Variants in IMMP2L observed in about 807,000 individuals in gnomAD.
IMMP2L encodes inner mitochondrial membrane peptidase subunit 2.
IMMP2L carries 18 observed loss-of-function variants against 19.3 expected under a neutral mutation model. That is an observed-to-expected ratio of 0.93 (90% CI 0.64 to 1.38). The LOEUF (loss-of-function observed/expected upper bound fraction) is 1.38, where lower values mean the gene tolerates loss of function less well. IMMP2L is among the 40% of genes most tolerant of loss of function. IMMP2L has a pLI of 0.00. For synonymous variants in IMMP2L, 76 were observed against 73.0 expected (o/e 1.04, Z -0.21); for missense variants, 233 against 218.2 (o/e 1.07, Z -0.43).
intron 3 of IMMP2L, among the ~76,000 whole-genome samples, chr7:111,210,385 T>C (rs1562929775): frequency 6.6e-6 from 1 of 152,176 alleles, no homozygotes; most frequent in Non-Finnish European, 1.5e-5. Context: ...AACTTACAAT[T>C]GCAAAAACTA....
At chr7:111,156,518 A>G (rs570983974) in intron 3 of IMMP2L, among the ~76,000 whole-genome samples, 2 of 152,116 alleles carry the variant, frequency 1.3e-5, no homozygotes, top group Non-Finnish European at 2.9e-5. Context: ...CCTGTTGAAT[A>G]TTTAATTGGG....
chr7:110,787,510 C>T (rs545641546), intron 5 of IMMP2L, among the ~76,000 whole-genome samples: 6 of 152,026 alleles, frequency 3.9e-5, no homozygotes, highest in Non-Finnish European at 8.8e-5. Context: ...AATCTTGGTA[C>T]TAGAAAATAT....
chr7:111,230,691 T>C (rs1411944108), intron 3 of IMMP2L, among the ~76,000 whole-genome samples: 2 of 152,044 alleles, frequency 1.3e-5, no homozygotes, highest in African/African-American at 4.8e-5. Context: ...TGCCAAGCTA[T>C]GCAGATTTTA....
At chr7:110,833,606 T>C (rs185420762) in intron 5 of IMMP2L, among the ~76,000 whole-genome samples, 20 of 152,240 alleles carry the variant, frequency 1.3e-4, no homozygotes, top group African/African-American at 4.6e-4. Context: ...ATCTTTCAGC[T>C]TTTTCAGAAG....
intron 5 of IMMP2L, among the ~76,000 whole-genome samples, chr7:110,698,928 G>C (rs1794068509): frequency 6.6e-6 from 1 of 152,150 alleles, no homozygotes; most frequent in African/African-American, 2.4e-5. Flanking sequence ...TATTTTTTAA[G>C]TAAATGCTAA....
rs1298860738 is a variant in IMMP2L at position 111,162,813 on chromosome 7, A to G, written c.240-199248T>C. On this transcript the variant is annotated intron_variant, in intron 3 of 5. Transcript: ENST00000405709. ...ATAAAAACTGCAACCTCTTCCCACA[A>G]ATGATTTTGTCTAGACACCCCCGCC... Among the ~76,000 whole-genome samples the G allele has an allele frequency of 2.6e-5, 4 of 151,870 alleles. No individual in the cohort carries two copies. The South Asian group carries it at 6.2e-4, about 24-fold the overall frequency.
At chr7:111,039,050 A>G (rs1479323631) in intron 3 of IMMP2L, among the ~76,000 whole-genome samples, 8 of 152,188 alleles carry the variant, frequency 5.3e-5, no homozygotes, top group African/African-American at 1.9e-4. Flanking sequence ...CTTTTTGTAC[A>G]TAACTTCTAT....
chr7:110,965,377 T>G (rs1819424923), intron 3 of IMMP2L, among the ~76,000 whole-genome samples: 1 of 152,068 alleles, frequency 6.6e-6, no homozygotes, highest in African/African-American at 2.4e-5. Context: ...TCAATAAGAT[T>G]TATATTTCAC....
At chr7:111,238,693 A>C (rs1054510535) in intron 3 of IMMP2L, among the ~76,000 whole-genome samples, 2 of 152,012 alleles carry the variant, frequency 1.3e-5, no homozygotes, top group African/African-American at 4.8e-5. Flanking sequence ...CATAAGCTGA[A>C]GTGAAAGCTG....
intron 4 of IMMP2L, among the ~76,000 whole-genome samples, chr7:110,936,973 T>C (rs1816186309): frequency 1.3e-5 from 2 of 152,112 alleles, no homozygotes; most frequent in African/African-American, 4.8e-5. Flanking sequence ...GAAAACTGCA[T>C]GTTCTTACTC....
At position 110,986,186 on chromosome 7, in the gene IMMP2L, A is replaced by G. The variant is rs538025082; in HGVS notation, c.240-22621T>C. Among the ~76,000 whole-genome samples the G allele has an allele frequency of 5.9e-5, 9 of 152,140 alleles. No individual in the cohort carries two copies. The South Asian group carries it at 1.9e-3, about 32-fold the overall frequency. ...TGATTCCATCTATCTGCTCAGAATT[A>G]ATTTCATTTAAAATATGCTGAGCTT... is the stretch of plus-strand genomic sequence containing the variant. On this transcript the variant is annotated intron_variant, in intron 3 of 5. Coordinates refer to ENST00000405709, the MANE Select transcript of IMMP2L (RefSeq NM_032549.4).
intron 3 of IMMP2L, among the ~76,000 whole-genome samples, chr7:111,473,706 T>C (rs532503659): frequency 6.6e-6 from 1 of 152,300 alleles, no homozygotes; most frequent in East Asian, 1.9e-4. Flanking sequence ...TAGAGAATAT[T>C]TGCAATAAGC....
At chr7:110,889,136 C>T (rs1026592736) in intron 4 of IMMP2L, among the ~76,000 whole-genome samples, 1 of 152,092 alleles carries the variant, frequency 6.6e-6, no homozygotes, top group Non-Finnish European at 1.5e-5. Context: ...CTCAGCAGTC[C>T]CCAGCCTTTT....
chr7:111,132,375 T>A (rs1055515200), intron 3 of IMMP2L, among the ~76,000 whole-genome samples: 1 of 152,050 alleles, frequency 6.6e-6, no homozygotes, highest in Non-Finnish European at 1.5e-5. Context: ...ATGTTTAACC[T>A]GCTTGCCAAC....
At chr7:111,056,977 A>G (rs970022817) in intron 3 of IMMP2L, among the ~76,000 whole-genome samples, 1 of 152,182 alleles carries the variant, frequency 6.6e-6, no homozygotes, top group African/African-American at 2.4e-5. Flanking sequence ...CCCCAAATTT[A>G]CTTAAGAGTT....
intron 5 of IMMP2L, among the ~76,000 whole-genome samples, chr7:110,750,254 G>C (rs950771769): frequency 3.1e-5 from 4 of 129,824 alleles, no homozygotes; most frequent in Admixed American, 2.4e-4. Context: ...CCAGCTGTAA[G>C]AGTTTTTTTT....
intron 3 of IMMP2L, among the ~76,000 whole-genome samples, chr7:111,073,588 C>T (rs748877632): frequency 6.6e-6 from 1 of 152,086 alleles, no homozygotes; most frequent in Non-Finnish European, 1.5e-5. Flanking sequence ...ATCCCATTTG[C>T]TTAACAAGTC....
intron 3 of IMMP2L, among the ~76,000 whole-genome samples, chr7:111,281,847 G>A (rs1324913720): frequency 1.2e-4 from 18 of 152,074 alleles, no homozygotes. Flanking sequence ...AAGGTGACAG[G>A]GTACTGGAAA....
In IMMP2L at chr7:111,061,447, G is replaced by A. The variant is rs563382712; in HGVS notation, c.240-97882C>T. ...CTTGGAGGAGCTGGAAATGACGAAGGGGTGAATTTATGAATTCAGAGACTG... is the reference window on the plus strand; with the variant it reads ...CTTGGAGGAGCTGGAAATGACGAAGAGGTGAATTTATGAATTCAGAGACTG... On this transcript the variant is annotated intron_variant, in intron 3 of 5. Coordinates refer to ENST00000405709, the MANE Select transcript of IMMP2L (RefSeq NM_032549.4). Among the ~76,000 whole-genome samples, 4 of 152,226 alleles carry A rather than the reference G, an allele frequency of 2.6e-5. No individual in the cohort carries two copies. In the South Asian group the frequency reaches 8.3e-4, roughly 32 times the overall value.
Sources: gnomAD v4.1 joint callset for allele counts (sites outside exome capture counted in the v4.1 genomes callset) on GRCh38, gnomAD v4.1.1 for gene constraint, MANE v1.5 for transcripts, NCBI Gene and HGNC (gene_info 2026-07-23, HGNC 2026-07-21) for gene names.